The following RBMS3 variants were observed in gnomAD, a reference collection of about 807,000 sequenced individuals.
The protein encoded by RBMS3 is RNA binding motif single stranded interacting protein 3.
RBMS3 carries 27 observed loss-of-function variants against 66.8 expected under a neutral mutation model. The observed-to-expected ratio is 0.40, with a 90% CI of 0.30 to 0.56. The LOEUF (loss-of-function observed/expected upper bound fraction) is 0.56. Ranked by LOEUF, RBMS3 falls within the 20% of genes least tolerant of loss-of-function variation. RBMS3 has a pLI of 0.40. For synonymous variants in RBMS3, 188 were observed against 183.0 expected (o/e 1.03, Z -0.22); for missense variants, 513 against 549.5 (o/e 0.93, Z 0.66).
intron 1 of RBMS3, among the ~76,000 whole-genome samples, chr3:29,404,140 C>T (rs1033590348): frequency 6.6e-6 from 1 of 152,064 alleles, no homozygotes; most frequent in African/African-American, 2.4e-5. Context: ...TGAAATCAGA[C>T]ACTTGGATGA....
chr3:29,834,556 C>T (rs148083958), intron 6 of RBMS3, among the ~76,000 whole-genome samples: 5 of 151,792 alleles, frequency 3.3e-5, no homozygotes, highest in African/African-American at 9.7e-5. Flanking sequence ...AAGTAATACA[C>T]GTAAAATAGA....
chr3:29,796,791 C>A (rs369789803), intron 6 of RBMS3, among the ~76,000 whole-genome samples: 33 of 145,538 alleles, frequency 2.3e-4, no homozygotes, highest in East Asian at 1.6e-3. Context: ...CAGCTCACTG[C>A]AACCTCCACC....
At chr3:29,744,465 G>C (rs2054786158) in intron 5 of RBMS3, among the ~76,000 whole-genome samples, 2 of 152,162 alleles carry the variant, frequency 1.3e-5, no homozygotes, top group Admixed American at 6.5e-5. Flanking sequence ...TCCTCTAGGA[G>C]TTTACAGTTC....
At chr3:29,949,247 T>G (rs1695519857) in intron 12 of RBMS3, among the ~76,000 whole-genome samples, 1 of 151,540 alleles carries the variant, frequency 6.6e-6, no homozygotes, top group Admixed American at 6.6e-5. Flanking sequence ...GGTGTAAAAT[T>G]CTATGCCTCA....
At chr3:29,995,541 G>A (rs1411475645) in intron 14 of RBMS3, among the ~76,000 whole-genome samples, 1 of 150,304 alleles carries the variant, frequency 6.7e-6, no homozygotes, top group Non-Finnish European at 1.5e-5. Context: ...TCAAAGGGAA[G>A]CCCATCAGAC....
At chr3:29,446,307 G>A (rs1241299403) in intron 2 of RBMS3, among the ~76,000 whole-genome samples, 1 of 146,626 alleles carries the variant, frequency 6.8e-6, no homozygotes, top group Non-Finnish European at 1.5e-5. Context: ...AACATTTATT[G>A]TAATTCATAT....
intron 7 of RBMS3, among the ~76,000 whole-genome samples, chr3:29,871,768 G>T (rs974796970): frequency 1.3e-5 from 2 of 152,108 alleles, no homozygotes; most frequent in African/African-American, 4.8e-5. Flanking sequence ...AAAACCAATA[G>T]ATTACAAGTA....
intron 3 of RBMS3, among the ~76,000 whole-genome samples, chr3:29,516,029 C>G (rs1193467210): frequency 1.3e-5 from 2 of 151,998 alleles, no homozygotes; most frequent in Non-Finnish European, 2.9e-5. Context: ...AGGACATGGA[C>G]CAGGGACTTT....
chr3:29,955,876 G>T (rs1696004807), intron 12 of RBMS3, among the ~76,000 whole-genome samples: 1 of 151,892 alleles, frequency 6.6e-6, no homozygotes, highest in African/African-American at 2.4e-5. Flanking sequence ...TAGCCTGTTT[G>T]CTCACTTCAT....
At chr3:29,436,486 G>T (rs2041408463) in intron 2 of RBMS3, among the ~76,000 whole-genome samples, 1 of 152,152 alleles carries the variant, frequency 6.6e-6, no homozygotes, top group Admixed American at 6.5e-5. Context: ...ATATACGTTA[G>T]ATTTTGGCCC....
In RBMS3 at chr3:29,825,250, C is replaced by T. The variant is rs1038189783; in HGVS notation, c.638-43608C>T. Among the ~76,000 whole-genome samples, 6 of 151,920 alleles carry T rather than the reference C, an allele frequency of 3.9e-5. No homozygotes were observed. The South Asian group carries it at 1.2e-3, about 32-fold the overall frequency. ...CAGGGTTTCACCATGTTGGCCAGACCGGTCTTGAACTCCTGACCTCAGGTT... is the reference window on the plus strand; with the variant it reads ...CAGGGTTTCACCATGTTGGCCAGACTGGTCTTGAACTCCTGACCTCAGGTT... On this transcript the variant is annotated intron_variant, in intron 6 of 14. Transcript: ENST00000383767.
intron 4 of RBMS3, among the ~76,000 whole-genome samples, chr3:29,589,871 T>C (rs147590380): frequency 5.3e-5 from 8 of 152,158 alleles, no homozygotes; most frequent in African/African-American, 1.9e-4. Flanking sequence ...TTACCAACAC[T>C]CTAGTTTCCC....
chr3:29,819,145 G>A (rs1444483302), intron 6 of RBMS3, among the ~76,000 whole-genome samples: 1 of 152,204 alleles, frequency 6.6e-6, no homozygotes, highest in Non-Finnish European at 1.5e-5. Flanking sequence ...TCCGTCAACA[G>A]AGGTAGCCAA....
At chr3:29,697,154 C>A in intron 4 of RBMS3, 1 of 959,808 alleles carries the variant, frequency 1.0e-6, no homozygotes, top group Non-Finnish European at 1.2e-6. Context: ...TAATATGGAT[C>A]TAAGTTTGGG....
chr3:29,445,146 A>C (rs566337093), intron 2 of RBMS3, among the ~76,000 whole-genome samples: 1 of 152,144 alleles, frequency 6.6e-6, no homozygotes, highest in Admixed American at 6.6e-5. Flanking sequence ...AGTAATATAA[A>C]AATGATTTTA....
chr3:29,944,204 A>G lies in RBMS3; in HGVS notation c.1051-3A>G. ...TTCTTTCTCATGCTCTTTTCATTCA[A>G]AGATTCAATCCCAAGACAGGATTAT... On this transcript the variant is annotated splice_polypyrimidine_tract_variant and splice_region_variant and intron_variant, in intron 11 of 14. Transcript: ENST00000383767. The G allele has an allele frequency of 6.3e-7, 1 of 1,585,086 alleles. No homozygotes were observed. The highest frequency in any genetic ancestry group is 8.7e-7 in the Non-Finnish European group (1 of 1,154,602).
intron 6 of RBMS3, among the ~76,000 whole-genome samples, chr3:29,797,352 C>G (rs531143316): frequency 6.6e-6 from 1 of 152,284 alleles, no homozygotes; most frequent in South Asian, 2.1e-4. Flanking sequence ...GCAGCTTTCT[C>G]TCACCTCTCG....
intron 10 of RBMS3, among the ~76,000 whole-genome samples, chr3:29,921,074 T>C (rs1311351125): frequency 6.6e-6 from 1 of 152,088 alleles, no homozygotes; most frequent in East Asian, 1.9e-4. Flanking sequence ...TTGCTGTTGT[T>C]GTTTTGAGAT....
At chr3:29,675,608 A>T (rs1309229273) in intron 4 of RBMS3, among the ~76,000 whole-genome samples, 2 of 152,138 alleles carry the variant, frequency 1.3e-5, no homozygotes, top group Non-Finnish European at 2.9e-5. Context: ...CCATCAAAAA[A>T]TGGGTGAAGG....
Sources: gnomAD v4.1 joint callset for allele counts (sites outside exome capture counted in the v4.1 genomes callset) on GRCh38, gnomAD v4.1.1 for gene constraint, MANE v1.5 for transcripts, NCBI Gene and HGNC (gene_info 2026-07-23, HGNC 2026-07-21) for gene names.